The following MGAT5 variants were observed in gnomAD, a reference collection of about 807,000 sequenced individuals.
The protein encoded by MGAT5 is alpha-1,6-mannosylglycoprotein 6-beta-N-acetylglucosaminyltransferase.
Under a neutral mutation model 94.3 loss-of-function variants are expected in MGAT5, and 30 were observed. The observed-to-expected ratio is 0.32, with a 90% CI of 0.24 to 0.43. The LOEUF (loss-of-function observed/expected upper bound fraction) is 0.43, where lower values mean the gene tolerates loss of function less well. Among genes scored for constraint, MGAT5 ranks in the 20% least tolerant of loss-of-function variants. The probability of loss-of-function intolerance (pLI) is 1.00; values close to 1 mark genes in which losing one functional copy is unlikely to be tolerated. For missense variants in MGAT5, 691 were observed against 905.5 expected (o/e 0.76, Z 3.04); for synonymous variants, 310 against 322.9 (o/e 0.96, Z 0.43).
At chr2:134,254,772 G>A in intron 1 of MGAT5, 128 bp downstream of exon 1, 1 of 1,303,286 alleles carries the variant, frequency 7.7e-7, no homozygotes, top group East Asian at 2.3e-5. Context: ...GCAGTGAATT[G>A]CACACAGAGA....
chr2:134,213,624 T>C (rs6715913), intron 1 of MGAT5, among the ~76,000 whole-genome samples: 3,995 of 152,280 alleles, frequency 0.026, 63 homozygotes, highest in African/African-American at 0.047. Context: ...TGGCTGTATA[T>C]TGAGGGGTTC....
intron 1 of MGAT5, among the ~76,000 whole-genome samples, chr2:134,128,983 T>C (rs1685988349): frequency 1.3e-5 from 2 of 152,198 alleles, no homozygotes; most frequent in Admixed American, 1.3e-4. Flanking sequence ...TTCTATTTCC[T>C]CACTGTCAGT....
chr2:134,298,817 G>C (rs1235302772), intron 2 of MGAT5, among the ~76,000 whole-genome samples: 1 of 152,138 alleles, frequency 6.6e-6, no homozygotes, highest in Admixed American at 6.6e-5. Flanking sequence ...ACCATGGGTT[G>C]GGATTGGGGC....
At chr2:134,393,421 C>T (rs957001827) in intron 10 of MGAT5, among the ~76,000 whole-genome samples, 1 of 152,128 alleles carries the variant, frequency 6.6e-6, no homozygotes, top group African/African-American at 2.4e-5. Flanking sequence ...AGCTGCCAAG[C>T]ATAAGGATCT....
chr2:134,326,350 A>G (rs1163764757), intron 4 of MGAT5, among the ~76,000 whole-genome samples: 3 of 152,028 alleles, frequency 2.0e-5, no homozygotes, highest in African/African-American at 7.2e-5. Context: ...ACTGATTGTC[A>G]AGTTGCCCCG....
intron 1 of MGAT5, among the ~76,000 whole-genome samples, chr2:134,194,117 C>T (rs951599799): frequency 1.3e-5 from 2 of 152,158 alleles, no homozygotes; most frequent in Non-Finnish European, 2.9e-5. Flanking sequence ...CTTTTTCTCT[C>T]CATCTTTCTA....
At chr2:134,331,810 G>T (rs528776745) in intron 4 of MGAT5, among the ~76,000 whole-genome samples, 1 of 152,218 alleles carries the variant, frequency 6.6e-6, no homozygotes, top group East Asian at 1.9e-4. Flanking sequence ...ACTTGAAATA[G>T]AACCATTTTC....
chr2:134,387,711 A>G (rs1275690254), intron 10 of MGAT5, among the ~76,000 whole-genome samples: 1 of 152,126 alleles, frequency 6.6e-6, no homozygotes, highest in African/African-American at 2.4e-5. Flanking sequence ...TCATCATTCT[A>G]ATGACTTGGT....
At chr2:134,412,545 G>A (rs953170989) in intron 11 of MGAT5, among the ~76,000 whole-genome samples, 1 of 151,992 alleles carries the variant, frequency 6.6e-6, no homozygotes, top group Non-Finnish European at 1.5e-5. Flanking sequence ...TTGGGTCTTG[G>A]TGGTGGTGGT....
At chr2:134,334,272 C>T (rs1159619441) in intron 4 of MGAT5, among the ~76,000 whole-genome samples, 1 of 152,090 alleles carries the variant, frequency 6.6e-6, no homozygotes, top group African/African-American at 2.4e-5. Flanking sequence ...ATTTTCATCA[C>T]AGTGAATCTT....
intron 9 of MGAT5, among the ~76,000 whole-genome samples, chr2:134,358,345 T>A (rs1679882079): frequency 6.6e-6 from 1 of 152,240 alleles, no homozygotes; most frequent in Non-Finnish European, 1.5e-5. Flanking sequence ...GTAACTTATT[T>A]TTTCTCATAT....
chr2:134,418,787 C>T (rs1465074613), intron 12 of MGAT5, among the ~76,000 whole-genome samples: 4 of 152,146 alleles, frequency 2.6e-5, no homozygotes, highest in South Asian at 2.1e-4. Flanking sequence ...ACTGACAAGT[C>T]GGGGATACCC....
In MGAT5 at chr2:134,182,001, G is replaced by C. The variant is rs565713187; in HGVS notation, c.-143+61710G>C. ...TTCCCTCATTGTGTGTGATCACTAGGAGATTTTATGTGTGATTAAAATGTA... is the reference window on the plus strand; with the variant it reads ...TTCCCTCATTGTGTGTGATCACTAGCAGATTTTATGTGTGATTAAAATGTA... On this transcript the variant is annotated intron_variant, in intron 1 of 16. Coordinates refer to the MGAT5 transcript ENST00000409645. Among the ~76,000 whole-genome samples the C allele has an allele frequency of 1.6e-4, 25 of 152,306 alleles. No individual in the cohort carries two copies. The East Asian group carries it at 4.8e-3, about 29-fold the overall frequency.
At chr2:134,403,381 G>C (rs1038880084) in intron 11 of MGAT5, among the ~76,000 whole-genome samples, 2 of 152,172 alleles carry the variant, frequency 1.3e-5, no homozygotes, top group African/African-American at 4.8e-5. Flanking sequence ...TAGGTGTCAA[G>C]CAAGGGGCTA....
intron 1 of MGAT5, among the ~76,000 whole-genome samples, chr2:134,259,530 G>C (rs1683187880): frequency 6.6e-6 from 1 of 152,156 alleles, no homozygotes. Flanking sequence ...TCTCTGGGCT[G>C]GGGTACTGTC....
intron 2 of MGAT5, among the ~76,000 whole-genome samples, chr2:134,313,534 G>A (rs976205809): frequency 1.3e-5 from 2 of 152,026 alleles, no homozygotes; most frequent in Admixed American, 6.6e-5. Flanking sequence ...TAAGGGTAAC[G>A]GATTAAACCG....
intron 2 of MGAT5, among the ~76,000 whole-genome samples, chr2:134,297,351 A>C (rs1185536602): frequency 2.0e-5 from 3 of 152,112 alleles, no homozygotes; most frequent in Non-Finnish European, 2.9e-5. Context: ...CTGATTCTTC[A>C]CAGATTCTTC....
chr2:134,370,313 A>G (rs1292599780), intron 10 of MGAT5, among the ~76,000 whole-genome samples: 3 of 152,234 alleles, frequency 2.0e-5, no homozygotes, highest in Non-Finnish European at 4.4e-5. Flanking sequence ...TCTTCAGGCT[A>G]CTTAGCCAAG....
intron 4 of MGAT5, among the ~76,000 whole-genome samples, chr2:134,332,786 G>A (rs367676511): frequency 1.2e-4 from 19 of 152,174 alleles, no homozygotes; most frequent in African/African-American, 3.9e-4. Context: ...ACATGAACAG[G>A]CACTTCTCAA....
Sources: gnomAD v4.1 joint callset for allele counts (sites outside exome capture counted in the v4.1 genomes callset) on GRCh38, gnomAD v4.1.1 for gene constraint, MANE v1.5 for transcripts, NCBI Gene and HGNC (gene_info 2026-07-23, HGNC 2026-07-21) for gene names.